ARMC9: variants seen among roughly 807,000 people sequenced by gnomAD.
ARMC9 encodes armadillo repeat containing 9.
A neutral mutation model predicts 107.0 loss-of-function variants in ARMC9; 94 were observed. That is an observed-to-expected ratio of 0.88 (90% CI 0.74 to 1.04). ARMC9 has a LOEUF of 1.04. ARMC9 is among the 50% of genes least tolerant of loss of function. The pLI is 0.00. For synonymous variants in ARMC9, 380 were observed against 396.9 expected (o/e 0.96, Z 0.51); for missense variants, 942 against 1,030.1 (o/e 0.91, Z 1.17).
At chr2:231,332,999 G>A (rs1402487278) in intron 20 of ARMC9, among the ~76,000 whole-genome samples, 1 of 152,208 alleles carries the variant, frequency 6.6e-6, no homozygotes, top group Non-Finnish European at 1.5e-5. Flanking sequence ...GATGCATGCA[G>A]GTGGCCTGAG....
chr2:231,288,141 C>T (rs148135924), intron 17 of ARMC9, among the ~76,000 whole-genome samples: 16 of 152,198 alleles, frequency 1.1e-4, no homozygotes, highest in East Asian at 9.6e-4. Flanking sequence ...GATTGCCTAG[C>T]GTGCAGTAAG....
At chr2:231,231,266 A>G (rs2035187437) in intron 7 of ARMC9, among the ~76,000 whole-genome samples, 1 of 152,216 alleles carries the variant, frequency 6.6e-6, no homozygotes, top group African/African-American at 2.4e-5. Context: ...AAGTTTGCAT[A>G]GATGTTCTCC....
chr2:231,347,280 C>T (rs909693024), intron 21 of ARMC9, among the ~76,000 whole-genome samples: 4 of 152,202 alleles, frequency 2.6e-5, no homozygotes, highest in African/African-American at 9.7e-5. Flanking sequence ...TCACCAGCTT[C>T]CCTTATCAGG....
rs978905034 is a variant in ARMC9 at position 231,358,906 on chromosome 2, T to C, written c.2132-1848T>C. 3.9e-4 allele frequency among the ~76,000 whole-genome samples: 59 copies of C among 152,202 alleles called. No homozygotes were observed. Among genetic ancestry groups the C allele is most frequent in the African/African-American group, 1.3e-3 (55 of 41,532 alleles). On this transcript the variant is annotated intron_variant, in intron 22 of 24. Transcript: ENST00000611582. The surrounding 1 kb of genome is among the most constrained non-coding windows in gnomAD (Gnocchi z 4.5). ...CTCATTTCCCCACCAACCAGGACTA[T>C]CTTCAATATCAAAATCACATGCCTT... is the stretch of plus-strand genomic sequence containing the variant.
chr2:231,368,845 G>GA (rs2045911229), intron 23 of ARMC9, among the ~76,000 whole-genome samples: 1 of 151,912 alleles, frequency 6.6e-6, no homozygotes, highest in Non-Finnish European at 1.5e-5. Flanking sequence ...GGCTGGTCGC[G>GA]AACTCCTGAC....
At position 231,235,407 on chromosome 2, in the gene ARMC9, A is replaced by T. The variant is rs762865719; in HGVS notation, c.780+26A>T. 1.2e-5 allele frequency: 20 copies of T among 1,612,982 alleles called. No homozygotes were observed. The Admixed American group carries it at 3.2e-4, about 26-fold the overall frequency. ...GTAAGGAAGATCCCTAATTGTGTGT[A>T]TGTCTGTTTGGCAATGAAGAAGGCT... On this transcript the variant is annotated intron_variant, in intron 8 of 24. Transcript: ENST00000611582.
intron 16 of ARMC9, among the ~76,000 whole-genome samples, 173 bp downstream of exon 16, chr2:231,278,631 A>G (rs1053089677): frequency 2.0e-5 from 3 of 152,322 alleles, no homozygotes; most frequent in South Asian, 4.1e-4. Flanking sequence ...TATAATTTTT[A>G]GAATTTTGGA....
chr2:231,219,292 C>T (rs1318132645), intron 5 of ARMC9, among the ~76,000 whole-genome samples: 2 of 152,110 alleles, frequency 1.3e-5, no homozygotes, highest in Admixed American at 1.3e-4. Flanking sequence ...AGACCTCTTC[C>T]ATCTGGGATA....
intron 19 of ARMC9, among the ~76,000 whole-genome samples, chr2:231,298,481 C>CTTCCCAAGGTGACA (rs1169216957): frequency 2.0e-5 from 3 of 152,228 alleles, no homozygotes; most frequent in African/African-American, 7.2e-5. Flanking sequence ...GTGGTTATCA[C>CTTCCCAAGGTGACA]TTCCCAAGGT....
At chr2:231,268,114 AT>A (rs973611201) in intron 12 of ARMC9, among the ~76,000 whole-genome samples, 2 of 152,206 alleles carry the variant, frequency 1.3e-5, no homozygotes, top group Non-Finnish European at 2.9e-5. Flanking sequence ...TATATAATAT[AT>A]GGTTTCATTT....
At chr2:231,365,487 A>G (rs1051668178) in intron 23 of ARMC9, among the ~76,000 whole-genome samples, 1 of 152,158 alleles carries the variant, frequency 6.6e-6, no homozygotes, top group Non-Finnish European at 1.5e-5. Context: ...TTCTGTTTGC[A>G]TTAAGCCCAA....
intron 3 of ARMC9, among the ~76,000 whole-genome samples, chr2:231,212,111 T>A (rs1005819301): frequency 1.3e-5 from 2 of 152,262 alleles, no homozygotes; most frequent in Non-Finnish European, 2.9e-5. Flanking sequence ...CCAAGCAGTT[T>A]TATGTGTATA....
chr2:231,339,170 A>C (rs934263488), intron 20 of ARMC9, among the ~76,000 whole-genome samples: 51 of 152,084 alleles, frequency 3.4e-4, no homozygotes, highest in Non-Finnish European at 8.8e-5. Flanking sequence ...TCTACTAAAA[A>C]TACAAAAATT....
At chr2:231,220,953 A>G (rs148015997) in intron 5 of ARMC9, among the ~76,000 whole-genome samples, 3,160 of 152,360 alleles carry the variant, frequency 0.021, 53 homozygotes, top group Non-Finnish European at 0.029. Context: ...GAGACATAGC[A>G]GTCCTTTCCT....
chr2:231,240,970 C>T (rs2036241909), intron 9 of ARMC9, among the ~76,000 whole-genome samples: 1 of 152,086 alleles, frequency 6.6e-6, no homozygotes, highest in Non-Finnish European at 1.5e-5. Flanking sequence ...GAGGCCAAGG[C>T]GGGTGGATCA....
At chr2:231,200,675 A>AAACAACAAC (rs113415095) in intron 1 of ARMC9, among the ~76,000 whole-genome samples, 47,577 of 151,270 alleles carry the variant, frequency 0.31, 8,329 homozygotes, top group African/African-American at 0.47. Context: ...CTCCATCTCA[A>AAACAACAAC]AACAACAAAA....
rs2039953391 is a variant in ARMC9 at position 231,278,512 on chromosome 2, A to G, written c.1551+54A>G. 2.6e-6 allele frequency: 4 copies of G among 1,532,704 alleles called. No individual in the cohort carries two copies. In the South Asian group the frequency reaches 4.5e-5, roughly 17 times the overall value. The allele number at this position is 1,532,704 out of a possible 1,614,324, so 94.9% of individuals were successfully genotyped here. A position where few individuals can be genotyped will look rare whatever the true frequency, so the allele number is the denominator to read the frequency against. On this transcript the variant is annotated intron_variant, in intron 16 of 24. Coordinates refer to ENST00000611582, the MANE Select transcript of ARMC9 (RefSeq NM_001352754.2). ...CTCGGGGAGGCTACACTGGGGACCC[A>G]ATGCCTGTGACCCCACAGGCACACA... is the stretch of plus-strand genomic sequence containing the variant.
intron 19 of ARMC9, among the ~76,000 whole-genome samples, chr2:231,324,515 G>A (rs2043202836): frequency 1.3e-5 from 2 of 149,776 alleles, no homozygotes; most frequent in South Asian, 4.3e-4. Flanking sequence ...ACTTCGGGAG[G>A]CCAAGGTGGG....
chr2:231,361,977 G>A (rs1037882316), intron 23 of ARMC9, among the ~76,000 whole-genome samples: 7 of 152,184 alleles, frequency 4.6e-5, no homozygotes, highest in Admixed American at 6.5e-5. Context: ...GCTAGAAGCC[G>A]AAATCGGAAC....
Sources: allele counts gnomAD v4.1 joint callset (sites outside exome capture counted in the v4.1 genomes callset), GRCh38; gene constraint gnomAD v4.1.1; non-coding constraint Gnocchi (gnomAD v3.1); transcripts MANE v1.5; gene names NCBI Gene and HGNC (gene_info 2026-07-23, HGNC 2026-07-21).